Variants in ABCA8 observed in about 807,000 individuals in gnomAD.
ABCA8 encodes the protein ABC-type organic anion transporter ABCA8.
In ABCA8, 177 loss-of-function variants were observed where a neutral mutation model predicts 192.3. That is an observed-to-expected ratio of 0.92 (90% CI 0.81 to 1.04). The LOEUF is 1.04. Among genes scored for constraint, ABCA8 ranks in the 50% least tolerant of loss-of-function variants. The probability of loss-of-function intolerance (pLI) is 0.00; values close to 1 mark genes in which losing one functional copy is unlikely to be tolerated. For missense variants in ABCA8, 1,915 were observed against 1,904.8 expected, an observed-to-expected ratio of 1.01 and a Z score of -0.10; for synonymous variants, 642 against 690.2, an observed-to-expected ratio of 0.93 and a Z score of 1.09.
Position 68,918,089 on chromosome 17 carries a change from G to A in ABCA8, c.2005C>T (p.Leu669Phe). Residue 669 changes from leucine (L) to phenylalanine (F), a missense_variant, in exon 16 of 40, where the codon CTC becomes TTC. Coordinates refer to ENST00000586539, the MANE Select transcript of ABCA8 (RefSeq NM_001288985.2). ...TCATCCATGAACTGGGTACTGAAGA[G>A]GATCACGCGGTCTGTTTTGCGTTCT... ...LKERKTDRVI[L>F]FSTQFMDEAD... 1 of 1,614,186 alleles carries A rather than the reference G, an allele frequency of 6.2e-7. No homozygotes were observed. The highest frequency in any genetic ancestry group is 8.5e-7 in the Non-Finnish European group (1 of 1,180,020).
chr17:68,872,663 G>C (rs937174141), intron 37 of ABCA8, among the ~76,000 whole-genome samples: 1 of 152,050 alleles, frequency 6.6e-6, no homozygotes, highest in Admixed American at 6.5e-5. Context: ...CTCCACATGT[G>C]TCATTGCCCC....
At chr17:68,947,716 ATTAT>A (rs141125692) in intron 2 of ABCA8, among the ~76,000 whole-genome samples, 59,105 of 151,302 alleles carry the variant, frequency 0.39, 13,144 homozygotes, top group Non-Finnish European at 0.51. Context: ...TTATATTTAG[ATTAT>A]TTATTTATTT....
intron 32 of ABCA8, chr17:68,880,826 G>A (rs2066319231): frequency 2.4e-6 from 1 of 408,562 alleles, no homozygotes; most frequent in Admixed American, 3.7e-5. Flanking sequence ...AGTGCAGCCT[G>A]CTGAGCTGAG....
intron 4 of ABCA8, 95 bp from the exon 5 acceptor site, chr17:68,937,210 G>T: frequency 9.3e-7 from 1 of 1,077,928 alleles, no homozygotes; most frequent in Non-Finnish European, 1.3e-6. Context: ...AGTTTTCTAT[G>T]GAAATAAAAC....
chr17:68,883,596 A>G (rs2066387985), intron 29 of ABCA8, among the ~76,000 whole-genome samples, 195 bp downstream of exon 29: 1 of 152,204 alleles, frequency 6.6e-6, no homozygotes, highest in Non-Finnish European at 1.5e-5. Flanking sequence ...TCCATGTTTC[A>G]GGTCCGTTTC....
chr17:68,875,618 A>G lies in ABCA8; in HGVS notation c.4486T>C (p.Leu1496=), dbSNP rs1203836666. ...DRVAIMVSGR[L]RCIGSIQHLK... ...GGGTCCAGGACAGGCACTCACCTCA[A>G]CCTCCCAGATACCATGATGGCCACT... The change falls in exon 36 of 40, where the codon TTG becomes CTG. Residue 1496 remains leucine, a synonymous_variant. Transcript: ENST00000586539. 3.7e-6 allele frequency: 6 copies of G among 1,613,504 alleles called. No homozygotes were observed. Among genetic ancestry groups the G allele is most frequent in the Non-Finnish European group, 5.1e-6 (6 of 1,179,848 alleles).
chr17:68,925,796 C>T (rs1340866449), intron 10 of ABCA8, among the ~76,000 whole-genome samples: 1 of 152,104 alleles, frequency 6.6e-6, no homozygotes, highest in Non-Finnish European at 1.5e-5. Context: ...CCAGATTTAC[C>T]ATGAAATAAT....
At chr17:68,935,262 TTGTGTGTGTG>T (rs71144641) in intron 5 of ABCA8, among the ~76,000 whole-genome samples, 11 of 136,052 alleles carry the variant, frequency 8.1e-5, no homozygotes, top group Non-Finnish European at 1.5e-4. Flanking sequence ...GCCTGGCTAA[TTGTGTGTGTG>T]TGTGTGTGTG....
At chr17:68,868,231 C>A (rs2065964038) in intron 39 of ABCA8, 48 bp from the exon 40 acceptor site, 2 of 1,606,496 alleles carry the variant, frequency 1.2e-6, no homozygotes, top group African/African-American at 2.7e-5. Context: ...GCCGTGCTGC[C>A]TCTGCAGCTC....
chr17:68,940,972 A>T lies in ABCA8; in HGVS notation c.97-10T>A. On this transcript the variant is annotated splice_polypyrimidine_tract_variant and intron_variant, in intron 3 of 39. Coordinates refer to ENST00000586539, the MANE Select transcript of ABCA8 (RefSeq NM_001288985.2). ...ATGAATTCAGCCATTCCTATATAAT[A>T]CAGGAAAAAAGATAAAGAAAAGTCT... is the stretch of plus-strand genomic sequence containing the variant. The T allele has an allele frequency of 6.4e-7, 1 of 1,567,956 alleles. No individual in the cohort carries two copies. Among genetic ancestry groups the T allele is most frequent in the African/African-American group, 1.4e-5 (1 of 73,602 alleles).
At chr17:68,903,598 T>C (rs1276581144) in intron 19 of ABCA8, 99 bp from the exon 20 acceptor site, 4 of 1,075,062 alleles carry the variant, frequency 3.7e-6, no homozygotes, top group Non-Finnish European at 5.4e-6. Flanking sequence ...TCCGCGTTAC[T>C]ATAGGTATAA....
intron 10 of ABCA8, among the ~76,000 whole-genome samples, chr17:68,925,369 T>C (rs2067669654): frequency 6.6e-6 from 1 of 152,194 alleles, no homozygotes; most frequent in African/African-American, 2.4e-5. Flanking sequence ...TAACACAAAA[T>C]GAATACTTTT....
Position 68,907,833 on chromosome 17 carries a change from C to T in ABCA8, c.2185G>A (p.Val729Ile). 2 of 1,602,046 alleles carry T rather than the reference C, an allele frequency of 1.2e-6. No individual in the cohort carries two copies. The highest frequency in any genetic ancestry group is 1.7e-6 in the Non-Finnish European group (2 of 1,174,966). ...TTGGCATCAGGGATGTGCTGTTTAA[C>T]AAGTGATGTTATGTTTTCCTCAACA... ...ICVEENITSL[V>I]KQHIPDAKLS... is the part of the protein sequence containing the mutation. The change falls in exon 18 of 40, where the codon GTT becomes ATT. Residue 729 changes from valine (V) to isoleucine (I), a missense_variant. Physicochemically the swap from Val to Ile is conservative, Grantham distance 29. Coordinates refer to ENST00000586539, the MANE Select transcript of ABCA8 (RefSeq NM_001288985.2).
At chr17:68,947,423 A>T (rs541893105) in intron 2 of ABCA8, among the ~76,000 whole-genome samples, 2 of 152,212 alleles carry the variant, frequency 1.3e-5, no homozygotes, top group Non-Finnish European at 2.9e-5. Flanking sequence ...TGTTTATACA[A>T]TGTGCTTGTC....
In ABCA8 at chr17:68,932,475, C is replaced by T; in HGVS notation, c.610G>A (p.Val204Ile). The T allele has an allele frequency of 6.2e-7, 1 of 1,613,884 alleles. No homozygotes were observed. Among genetic ancestry groups the T allele is most frequent in the Middle Eastern group, 1.7e-4 (1 of 6,060 alleles). Residue 204 changes from valine to isoleucine, a missense_variant, in exon 7 of 40, where the codon GTT (valine) becomes ATT (isoleucine). Physicochemically the swap from Val to Ile is conservative, Grantham distance 29 (BLOSUM62 3). Transcript: ENST00000586539. ...TGCATCTTCATATTTTTTCCAGTAA[C>T]TGACATCAGCTCCTCCATCACTGAG... ...NHSVMEELMS[V>I]TGKNMKMHSF...
intron 13 of ABCA8, 89 bp from the exon 14 acceptor site, chr17:68,919,565 C>A: frequency 8.5e-7 from 1 of 1,171,384 alleles, no homozygotes. Context: ...ATGACTTTAT[C>A]TTGACAGTTT....
At chr17:68,891,023 T>C (rs1164139732) in intron 24 of ABCA8, among the ~76,000 whole-genome samples, 1 of 152,252 alleles carries the variant, frequency 6.6e-6, no homozygotes, top group Non-Finnish European at 1.5e-5. Flanking sequence ...GATACCAACT[T>C]GTTCCACCAC....
At chr17:68,912,614 G>A (rs988867625) in intron 17 of ABCA8, among the ~76,000 whole-genome samples, 3 of 152,016 alleles carry the variant, frequency 2.0e-5, no homozygotes, top group Non-Finnish European at 4.4e-5. Flanking sequence ...TAGACAAAAT[G>A]AATTCCAAGA....
At chr17:68,887,611 G>T in intron 24 of ABCA8, 105 bp from the exon 25 acceptor site, 1 of 964,616 alleles carries the variant, frequency 1.0e-6, no homozygotes, top group Non-Finnish European at 1.5e-6. Context: ...TCTAGATTAT[G>T]TCTACAAATG....
Sources: gnomAD v4.1 joint callset for allele counts (sites outside exome capture counted in the v4.1 genomes callset) on GRCh38, gnomAD v4.1.1 for gene constraint, MANE v1.5 for transcripts, NCBI Gene and HGNC (gene_info 2026-07-23, HGNC 2026-07-21) for gene names.